Variants in SLC36A4 observed in about 807,000 individuals in gnomAD.
SLC36A4 encodes solute carrier family 36 member 4.
Under a neutral mutation model 50.5 loss-of-function variants are expected in SLC36A4, and 49 were observed. The observed-to-expected ratio is 0.97, with a 90% CI of 0.77 to 1.23. The LOEUF (loss-of-function observed/expected upper bound fraction) is 1.23. Ranked by LOEUF, SLC36A4 falls within the 50% of genes most tolerant of loss-of-function variation. The pLI is 0.00. For synonymous variants in SLC36A4, 207 were observed against 206.5 expected (o/e 1.00, Z -0.02); for missense variants, 611 against 608.4 (o/e 1.00, Z -0.05).
At chr11:93,151,268 G>C (rs1294647116) in intron 10 of SLC36A4, among the ~76,000 whole-genome samples, 1 of 151,880 alleles carries the variant, frequency 6.6e-6, no homozygotes, top group Non-Finnish European at 1.5e-5. Flanking sequence ...GTCATTTACA[G>C]ACAGCTATTA....
intron 1 of SLC36A4, among the ~76,000 whole-genome samples, chr11:93,186,731 G>A (rs1260554482): frequency 6.6e-6 from 1 of 152,060 alleles, no homozygotes; most frequent in Non-Finnish European, 1.5e-5. Context: ...TCTTAGACAT[G>A]TATCTACAAT....
chr11:93,158,204 T>C (rs1005682693), intron 9 of SLC36A4, among the ~76,000 whole-genome samples: 2 of 152,142 alleles, frequency 1.3e-5, no homozygotes, highest in Admixed American at 1.3e-4. Flanking sequence ...ACCACATAAC[T>C]GAAAGACACG....
At chr11:93,165,373 G>T (rs577265831) in intron 8 of SLC36A4, among the ~76,000 whole-genome samples, 1 of 152,012 alleles carries the variant, frequency 6.6e-6, no homozygotes, top group Admixed American at 6.6e-5. Flanking sequence ...GTCTCTCTTG[G>T]TATTAGCTTT....
At chr11:93,174,930 C>T (rs369482172) in intron 6 of SLC36A4, among the ~76,000 whole-genome samples, 24 of 149,040 alleles carry the variant, frequency 1.6e-4, no homozygotes, top group South Asian at 6.7e-4. Context: ...TGTCTCTGCC[C>T]GGCTTTGGTA....
At chr11:93,183,759 G>T in intron 3 of SLC36A4, among the ~76,000 whole-genome samples, 1 of 151,254 alleles carries the variant, frequency 6.6e-6, no homozygotes. Context: ...GTGCAGTGGC[G>T]CAATCTCAGC....
intron 9 of SLC36A4, chr11:93,160,821 G>A (rs1011620990): frequency 7.0e-6 from 6 of 856,608 alleles, no homozygotes; most frequent in Non-Finnish European, 8.4e-6. Context: ...TTATTTTTAA[G>A]ACCTAGTCAA....
intron 6 of SLC36A4, among the ~76,000 whole-genome samples, chr11:93,176,354 G>A (rs1861470075): frequency 6.6e-6 from 1 of 152,014 alleles, no homozygotes; most frequent in African/African-American, 2.4e-5. Context: ...CTGCATGTGA[G>A]ATGGGTTTCC....
intron 6 of SLC36A4, chr11:93,171,559 A>G (rs1178736928): frequency 6.6e-6 from 1 of 152,098 alleles, no homozygotes; most frequent in East Asian, 1.9e-4. Flanking sequence ...ATAAACATTA[A>G]ATAATGTATA....
At chr11:93,180,911 C>G in intron 5 of SLC36A4, 30 bp from the exon 6 acceptor site, 5 of 1,382,220 alleles carry the variant, frequency 3.6e-6, no homozygotes, top group Non-Finnish European at 5.1e-6. Context: ...AATGAGTATC[C>G]AGGAGAGCTA....
intron 9 of SLC36A4, among the ~76,000 whole-genome samples, chr11:93,161,231 GCTTGATT>G (rs1310299099): frequency 6.6e-6 from 1 of 152,048 alleles, no homozygotes; most frequent in African/African-American, 2.4e-5. Context: ...CATATTTTTA[GCTTGATT>G]CTCTTATACT....
chr11:93,197,860 C>A lies in SLC36A4; in HGVS notation c.-28G>T. 1 of 1,532,452 alleles carries A rather than the reference C, an allele frequency of 6.5e-7. No individual in the cohort carries two copies. Among genetic ancestry groups the A allele is most frequent in the African/African-American group, 1.4e-5 (1 of 70,306 alleles). 94.9% of individuals were successfully genotyped at this position (1,532,452 alleles called of 1,614,324 possible). On this transcript the variant is annotated 5_prime_UTR_variant, in exon 1 of 11. Coordinates refer to ENST00000326402, the MANE Select transcript of SLC36A4 (RefSeq NM_152313.4). ...CTCGCGGGTCTCCAGGACGCCGCCGCCCGAGTGCTCACTCTCCCGCCGCTG... is the reference window on the plus strand; with the variant it reads ...CTCGCGGGTCTCCAGGACGCCGCCGACCGAGTGCTCACTCTCCCGCCGCTG...
chr11:93,160,463 A>C, intron 9 of SLC36A4: 1 of 985,362 alleles, frequency 1.0e-6, no homozygotes, highest in Admixed American at 6.1e-5. Flanking sequence ...GTTCCATTCT[A>C]ATTGGAAAGT....
chr11:93,166,075 A>G (rs1860849221), intron 7 of SLC36A4, 59 bp from the exon 8 acceptor site: 3 of 1,383,062 alleles, frequency 2.2e-6, no homozygotes, highest in African/African-American at 1.5e-5. Context: ...TAAATAATTA[A>G]AAAATGTAAG....
intron 6 of SLC36A4, among the ~76,000 whole-genome samples, chr11:93,172,531 G>GGT (rs1354356788): frequency 1.8e-4 from 27 of 150,470 alleles, no homozygotes; most frequent in African/African-American, 5.6e-4. Context: ...GTGCCATGCT[G>GGT]GTGCGCTGCA....
At chr11:93,186,282 G>GT (rs1861979542) in intron 1 of SLC36A4, among the ~76,000 whole-genome samples, 1 of 152,092 alleles carries the variant, frequency 6.6e-6, no homozygotes, top group East Asian at 1.9e-4. Context: ...TTATCAGTGT[G>GT]TATTTCCTGA....
chr11:93,184,340 C>G, intron 3 of SLC36A4, 90 bp downstream of exon 3: 2 of 781,490 alleles, frequency 2.6e-6, no homozygotes, highest in East Asian at 5.1e-5. Context: ...GTCACCTTAC[C>G]AGGTTATATT....
chr11:93,185,707 C>G lies in SLC36A4; in HGVS notation c.163G>C (p.Asp55His), dbSNP rs1198930659. The G allele has an allele frequency of 1.3e-6, 2 of 1,592,054 alleles. No individual in the cohort carries two copies. The highest frequency in any genetic ancestry group is 2.3e-5 in the South Asian group (2 of 86,440). The change falls in exon 2 of 11, where the codon GAT becomes CAT. Residue 55 changes from aspartate to histidine, a missense_variant. Coordinates refer to ENST00000326402, the MANE Select transcript of SLC36A4 (RefSeq NM_152313.4). Reference sequence around the variant, plus strand: ...AACACTTACGAAATGCCCTCTTGATCATCAAGTTGGTAATGCTTCTGAACA... The same window carrying G: ...AACACTTACGAAATGCCCTCTTGATGATCAAGTTGGTAATGCTTCTGAACA... ...LPVQKHYQLD[D>H]QEGISFVQTL...
chr11:93,168,134 G>C lies in SLC36A4; in HGVS notation c.578C>G (p.Ser193Ter). ...EGFLESKVFISNSTNSSNPCE... is the reference protein window; with the variant it reads ...EGFLESKVFI Reference sequence around the variant, plus strand: ...AGGGTTTGATGAATTGGTACTATTTGAAATAAACACTTTACTCTCCAGGAA... The same window carrying C: ...AGGGTTTGATGAATTGGTACTATTTCAAATAAACACTTTACTCTCCAGGAA... Residue 193 changes from serine (S) to a stop codon, truncating the protein, a stop_gained, in exon 7 of 11, where the codon TCA (serine) becomes TGA (stop). Coordinates refer to ENST00000326402, the MANE Select transcript of SLC36A4 (RefSeq NM_152313.4). LOFTEE classifies it high-confidence loss of function. 6.2e-7 allele frequency: 1 copy of C among 1,611,548 alleles called. No homozygotes were observed. Among genetic ancestry groups the C allele is most frequent in the Non-Finnish European group, 8.5e-7 (1 of 1,178,610 alleles).
At chr11:93,196,294 C>T (rs1417031568) in intron 1 of SLC36A4, among the ~76,000 whole-genome samples, 4 of 152,062 alleles carry the variant, frequency 2.6e-5, no homozygotes, top group Non-Finnish European at 4.4e-5. Flanking sequence ...ATGAAAACCT[C>T]TTGATATAAG....
Sources: allele counts gnomAD v4.1 joint callset (sites outside exome capture counted in the v4.1 genomes callset), GRCh38; gene constraint gnomAD v4.1.1; transcripts MANE v1.5; gene names NCBI Gene and HGNC (gene_info 2026-07-23, HGNC 2026-07-21).